The following ASTN1 variants were observed in gnomAD, a reference collection of about 807,000 sequenced individuals.
ASTN1 encodes astrotactin-1.
In ASTN1, 41 loss-of-function variants were observed where a neutral mutation model predicts 140.7. That is an observed-to-expected ratio of 0.29 (90% confidence interval 0.23 to 0.38). The LOEUF is 0.38. Among genes scored for constraint, ASTN1 ranks in the 10% least tolerant of loss-of-function variants. The pLI is 1.00. For synonymous variants in ASTN1, 640 were observed against 652.2 expected (o/e 0.98, Z 0.29); for missense variants, 1,479 against 1,678.8 (o/e 0.88, Z 2.08).
Position 177,131,229 on chromosome 1 carries a change from C to T in ASTN1, c.283+33165G>A, listed in dbSNP as rs532386649. Among the ~76,000 whole-genome samples the T allele has an allele frequency of 2.6e-5, 4 of 152,294 alleles. No homozygotes were observed. The South Asian group carries it at 8.3e-4, about 32-fold the overall frequency. On this transcript the variant is annotated intron_variant, in intron 1 of 22. Coordinates refer to ENST00000361833, the MANE Select transcript of ASTN1 (RefSeq NM_004319.3). ...TATGTTCCAAGAACTTTAAAATGCT[C>T]ATACCCTTTTGACAGAGTGTGTAAT... is the stretch of plus-strand genomic sequence containing the variant.
chr1:177,139,203 T>C (rs1175761794), intron 1 of ASTN1, among the ~76,000 whole-genome samples: 1 of 152,218 alleles, frequency 6.6e-6, no homozygotes, highest in Non-Finnish European at 1.5e-5. Flanking sequence ...TGGTACCTCT[T>C]ATACATGAGC....
intron 1 of ASTN1, among the ~76,000 whole-genome samples, chr1:177,135,350 A>G (rs1055506071): frequency 6.6e-6 from 1 of 151,192 alleles, no homozygotes; most frequent in Non-Finnish European, 1.5e-5. Context: ...ATACCCCACC[A>G]ACAGTCCCCA....
intron 1 of ASTN1, among the ~76,000 whole-genome samples, chr1:177,061,608 T>C (rs1336742671): frequency 6.6e-6 from 1 of 152,210 alleles, no homozygotes; most frequent in Non-Finnish European, 1.5e-5. Context: ...CCGAGGTAAA[T>C]ACAAGGTTGT....
chr1:176,902,676 G>T (rs932710414), intron 16 of ASTN1, among the ~76,000 whole-genome samples: 3 of 152,232 alleles, frequency 2.0e-5, no homozygotes, highest in African/African-American at 4.8e-5. Flanking sequence ...CATTTGGAAT[G>T]AGAGGTTGGG....
intron 1 of ASTN1, among the ~76,000 whole-genome samples, chr1:177,155,930 G>A (rs1432475839): frequency 6.6e-6 from 1 of 152,066 alleles, no homozygotes; most frequent in African/African-American, 2.4e-5. Context: ...GTAACAACAA[G>A]CACACTTAGT....
chr1:177,142,850 G>T (rs1249352760), intron 1 of ASTN1, among the ~76,000 whole-genome samples: 1 of 150,534 alleles, frequency 6.6e-6, no homozygotes, highest in African/African-American at 2.5e-5. Flanking sequence ...GAACATGCAT[G>T]GGAAATCAGG....
Position 176,959,729 on chromosome 1 carries a change from G to A in ASTN1, c.1599-1247C>T, listed in dbSNP as rs141920347. On this transcript the variant is annotated intron_variant, in intron 9 of 22. Coordinates refer to ENST00000361833, the MANE Select transcript of ASTN1 (RefSeq NM_004319.3). ...GGCCAGGCAGAGCCACTGGTAGGAG[G>A]GAAGTGGCCAGGATATGGGGGATTT... is the stretch of plus-strand genomic sequence containing the variant. Among the ~76,000 whole-genome samples the A allele has an allele frequency of 2.2e-4, 33 of 152,272 alleles. 1 individual carries two copies. The highest frequency in any genetic ancestry group is 7.7e-4 in the African/African-American group (32 of 41,562).
chr1:176,906,820 G>A (rs71628217), intron 16 of ASTN1, among the ~76,000 whole-genome samples: 4 of 150,468 alleles, frequency 2.7e-5, no homozygotes, highest in Non-Finnish European at 5.9e-5. Context: ...CTCCAGCCTG[G>A]GTGACAGAGT....
chr1:177,066,806 A>G (rs921514026), intron 1 of ASTN1, among the ~76,000 whole-genome samples: 2 of 152,200 alleles, frequency 1.3e-5, no homozygotes, highest in Non-Finnish European at 2.9e-5. Context: ...AGTGGCTTAG[A>G]GCAGTCTTGG....
At chr1:176,916,493 G>C (rs1026628551) in intron 16 of ASTN1, among the ~76,000 whole-genome samples, 3 of 152,110 alleles carry the variant, frequency 2.0e-5, no homozygotes, top group Non-Finnish European at 2.9e-5. Flanking sequence ...ATTGAGGGGG[G>C]TCCCCGCAGA....
chr1:176,926,738 T>C (rs1298301893), intron 16 of ASTN1, among the ~76,000 whole-genome samples: 1 of 152,238 alleles, frequency 6.6e-6, no homozygotes, highest in African/African-American at 2.4e-5. Flanking sequence ...GTTTGCAACC[T>C]TGGGGTTGTA....
At position 176,904,182 on chromosome 1, in the gene ASTN1, G is replaced by C. The variant is rs536788121; in HGVS notation, c.2672-9352C>G. The stretch of plus-strand genomic sequence containing the variant: ...CTTTAACATTGTGGCACTGGCGGGA[G>C]AGCCCTTCCCTGACCCACAGCCTGT... On this transcript the variant is annotated intron_variant, in intron 16 of 22. Coordinates refer to ENST00000361833, the MANE Select transcript of ASTN1 (RefSeq NM_004319.3). Among the ~76,000 whole-genome samples the C allele has an allele frequency of 9.2e-5, 14 of 152,296 alleles. 1 individual carries two copies. The South Asian group carries it at 2.9e-3, about 32-fold the overall frequency.
At chr1:176,860,964 A>C (rs1050265355), downstream of ASTN1, 1 of 514,066 alleles carries the variant, frequency 1.9e-6, no homozygotes, top group African/African-American at 2.1e-5. Context: ...AAGGCCCATT[A>C]TGTCTGGAAT....
intron 8 of ASTN1, among the ~76,000 whole-genome samples, chr1:176,989,967 C>A (rs1674083236): frequency 6.6e-6 from 1 of 151,974 alleles, no homozygotes; most frequent in Non-Finnish European, 1.5e-5. Flanking sequence ...TTTCTGGCTC[C>A]AAAAGGGAGT....
At chr1:177,003,113 C>T (rs1179376409) in intron 8 of ASTN1, among the ~76,000 whole-genome samples, 9 of 152,034 alleles carry the variant, frequency 5.9e-5, no homozygotes, top group East Asian at 1.9e-4. Flanking sequence ...ACTGAGAAGG[C>T]GAGAATCCTC....
chr1:176,960,046 C>T (rs72718680), intron 9 of ASTN1, among the ~76,000 whole-genome samples: 6 of 152,266 alleles, frequency 3.9e-5, no homozygotes, highest in Non-Finnish European at 7.4e-5. Context: ...TACACACACA[C>T]ACTCACAAAC....
chr1:177,139,710 A>G (rs1473403766), intron 1 of ASTN1, among the ~76,000 whole-genome samples: 2 of 152,198 alleles, frequency 1.3e-5, no homozygotes, highest in African/African-American at 4.8e-5. Flanking sequence ...GACTTTGTCT[A>G]CAGAGAGCAT....
intron 1 of ASTN1, among the ~76,000 whole-genome samples, chr1:177,149,111 T>TATATATAGTAAATATATATAGTGC (rs1219501657): frequency 9.1e-6 from 1 of 110,088 alleles, no homozygotes; most frequent in Non-Finnish European, 1.6e-5. Context: ...ATATATAGTG[T>TATATATAGTAAATATATATAGTGC]ATATATAGTA....
rs988217731 is a variant in ASTN1, at chr1:176,866,855, C to G, written c.3647+1989G>C. Among the ~76,000 whole-genome samples the G allele has an allele frequency of 3.3e-5, 5 of 152,258 alleles. No individual in the cohort carries two copies. In the East Asian group the frequency reaches 9.7e-4, roughly 29 times the overall value. ...CTCAGAGGAAGTAAGTAGCCATAGA[C>G]CCTTTTCTACTCATCTTCACAATTA... On this transcript the variant is annotated intron_variant, in intron 22 of 22. Transcript: ENST00000361833.
Sources: gnomAD v4.1 joint callset for allele counts (sites outside exome capture counted in the v4.1 genomes callset) on GRCh38, gnomAD v4.1.1 for gene constraint, MANE v1.5 for transcripts, NCBI Gene and HGNC (gene_info 2026-07-23, HGNC 2026-07-21) for gene names.